The following CHRM2 variants were observed in gnomAD, a reference collection of about 807,000 sequenced individuals.
CHRM2 encodes cholinergic receptor muscarinic 2.
Under a neutral mutation model 25.0 loss-of-function variants are expected in CHRM2, and 8 were observed. The observed-to-expected ratio is 0.32, with a 90% CI of 0.19 to 0.58. The LOEUF (loss-of-function observed/expected upper bound fraction) is 0.58, where lower values mean the gene tolerates loss of function less well. CHRM2 is among the 20% of genes least tolerant of loss of function. CHRM2 has a pLI of 0.88. For synonymous variants in CHRM2, 202 were observed against 205.7 expected (o/e 0.98, Z 0.15); for missense variants, 440 against 567.1 (o/e 0.78, Z 2.28).
At chr7:136,974,230 T>C (rs1171317593) in intron 2 of CHRM2, among the ~76,000 whole-genome samples, 1 of 152,174 alleles carries the variant, frequency 6.6e-6, no homozygotes, top group Non-Finnish European at 1.5e-5. Flanking sequence ...TGTTTCCAGG[T>C]TGGTACAGTT....
At chr7:136,895,317 C>A (rs1259316467) in intron 2 of CHRM2, among the ~76,000 whole-genome samples, 1 of 151,918 alleles carries the variant, frequency 6.6e-6, no homozygotes. Context: ...TTTGTAGAAC[C>A]CTCTTAAAAT....
At chr7:136,942,798 A>C (rs1318345764) in intron 2 of CHRM2, among the ~76,000 whole-genome samples, 3 of 151,822 alleles carry the variant, frequency 2.0e-5, no homozygotes, top group African/African-American at 7.3e-5. Flanking sequence ...CTAGACACTC[A>C]CTGGGGTGGC....
intron 2 of CHRM2, among the ~76,000 whole-genome samples, chr7:136,915,470 A>G (rs1798055554): frequency 6.6e-6 from 1 of 151,922 alleles, no homozygotes; most frequent in Admixed American, 6.6e-5. Context: ...AGTGATCAGT[A>G]ATGTGGGTAT....
At chr7:136,969,633 T>G (rs983699296) in intron 2 of CHRM2, among the ~76,000 whole-genome samples, 1 of 152,158 alleles carries the variant, frequency 6.6e-6, no homozygotes, top group Non-Finnish European at 1.5e-5. Context: ...ATTATCACAC[T>G]CCCTTATTCT....
chr7:136,884,972 C>A (rs921475528), intron 2 of CHRM2, among the ~76,000 whole-genome samples: 1 of 152,176 alleles, frequency 6.6e-6, no homozygotes, highest in Admixed American at 6.5e-5. Context: ...GGTTTTGTGT[C>A]TTTCCTGGTG....
intron 2 of CHRM2, among the ~76,000 whole-genome samples, chr7:136,879,176 A>C (rs529753265): frequency 6.6e-6 from 1 of 152,064 alleles, no homozygotes; most frequent in East Asian, 1.9e-4. Context: ...TCAGGTATGA[A>C]ATTTCCAAGG....
In CHRM2 at chr7:136,869,962, G is replaced by A. The variant is rs553418207; in HGVS notation, c.-125+544G>A. 7 of 152,460 alleles carry A rather than the reference G, an allele frequency of 4.6e-5. No homozygotes were observed. Among genetic ancestry groups the A allele is most frequent in the African/African-American group, 1.4e-4 (6 of 41,478 alleles). 9.4% of individuals were successfully genotyped at this position (152,460 alleles called of 1,614,324 possible). ...GCTCCGCTTTCGGAGCAGCCCTTGGGCGCTGGAGAGGTTTCCCATTGCGGT... is the reference window on the plus strand; with the variant it reads ...GCTCCGCTTTCGGAGCAGCCCTTGGACGCTGGAGAGGTTTCCCATTGCGGT... On this transcript the variant is annotated intron_variant, in intron 2 of 3. Transcript: ENST00000680005. This position sits in a 1 kb window ranked among gnomAD's most constrained non-coding sequence, Gnocchi z 4.9.
chr7:136,873,768 C>T (rs1795936284), intron 2 of CHRM2, among the ~76,000 whole-genome samples: 1 of 152,054 alleles, frequency 6.6e-6, no homozygotes, highest in Admixed American at 6.6e-5. Context: ...ATGATGTTCT[C>T]CCCATCTGTT....
At chr7:136,871,731 G>C (rs955593345) in intron 2 of CHRM2, 1 of 152,204 alleles carries the variant, frequency 6.6e-6, no homozygotes, top group Non-Finnish European at 1.5e-5. Flanking sequence ...AAGAACAATT[G>C]ACTTGGCCAA....
intron 2 of CHRM2, among the ~76,000 whole-genome samples, chr7:136,962,921 C>G (rs2130900586): frequency 6.6e-6 from 1 of 152,274 alleles, no homozygotes; most frequent in African/African-American, 2.4e-5. Context: ...ATGGTGGATA[C>G]AGTCTTGCTT....
At position 136,916,645 on chromosome 7, in the gene CHRM2, G is replaced by A. The variant is rs372594716; in HGVS notation, c.-125+47227G>A. 2.8e-4 allele frequency among the ~76,000 whole-genome samples: 42 copies of A among 149,744 alleles called. No homozygotes were observed. In the East Asian group the frequency reaches 3.7e-3, roughly 13 times the overall value. Reference sequence around the variant, plus strand: ...TTTATCCTTGAATTTGTTTATTAACGTTTCCTCATTTTTAATATTACATAT... The same window carrying A: ...TTTATCCTTGAATTTGTTTATTAACATTTCCTCATTTTTAATATTACATAT... On this transcript the variant is annotated intron_variant, in intron 2 of 3. Transcript: ENST00000680005.
At chr7:136,908,298 A>C (rs1432254253) in intron 2 of CHRM2, among the ~76,000 whole-genome samples, 1 of 151,928 alleles carries the variant, frequency 6.6e-6, no homozygotes, top group African/African-American at 2.4e-5. Context: ...TAAACATCTA[A>C]GAAATGAATA....
chr7:136,882,345 G>A (rs1796298167), intron 2 of CHRM2, among the ~76,000 whole-genome samples: 1 of 151,658 alleles, frequency 6.6e-6, no homozygotes, highest in African/African-American at 2.4e-5. Context: ...ATAAGGATGG[G>A]ACTTGTATTC....
At chr7:136,918,152 C>A (rs1047173263) in intron 2 of CHRM2, among the ~76,000 whole-genome samples, 5 of 152,066 alleles carry the variant, frequency 3.3e-5, no homozygotes, top group Non-Finnish European at 7.4e-5. Flanking sequence ...GATCATAAAG[C>A]ACTGAAACTC....
chr7:136,950,455 C>T (rs1430925006), intron 2 of CHRM2, among the ~76,000 whole-genome samples: 1 of 152,116 alleles, frequency 6.6e-6, no homozygotes, highest in Non-Finnish European at 1.5e-5. Flanking sequence ...TACCTGTCTT[C>T]AGTTCAGAGG....
chr7:137,001,591 C>T (rs1285302192), intron 3 of CHRM2, among the ~76,000 whole-genome samples: 2 of 152,118 alleles, frequency 1.3e-5, no homozygotes, highest in Non-Finnish European at 2.9e-5. Context: ...GGGGGATGCA[C>T]AGACCTTTCA....
At position 137,015,726 on chromosome 7, in the gene CHRM2, C is replaced by G; in HGVS notation, c.861C>G (p.Thr287=). 2 of 1,613,300 alleles carry G rather than the reference C, an allele frequency of 1.2e-6. No homozygotes were observed. The highest frequency in any genetic ancestry group is 1.7e-4 in the Middle Eastern group (1 of 6,058). ...GEEKESSNDS[T]SVSAVASNMR... ...AGAAGGAGAGCTCCAATGACTCCAC[C>G]TCAGTCAGTGCTGTTGCCTCTAATA... is the stretch of plus-strand genomic sequence containing the variant. Residue 287 remains threonine, a synonymous_variant, in exon 4 of 4, where the codon ACC becomes ACG. Coordinates refer to ENST00000680005, the MANE Select transcript of CHRM2 (RefSeq NM_001006630.2). The surrounding 1 kb of genome is among the most constrained non-coding windows in gnomAD (Gnocchi z 5.1).
At chr7:136,984,812 C>T (rs1802737249) in intron 2 of CHRM2, among the ~76,000 whole-genome samples, 1 of 151,840 alleles carries the variant, frequency 6.6e-6, no homozygotes, top group South Asian at 2.1e-4. Flanking sequence ...GAATCTGGTA[C>T]CTCAGTTGGA....
intron 2 of CHRM2, among the ~76,000 whole-genome samples, chr7:136,927,680 T>C (rs961980374): frequency 6.6e-6 from 1 of 152,172 alleles, no homozygotes; most frequent in Non-Finnish European, 1.5e-5. Flanking sequence ...AAAATAATGG[T>C]TTTATTCAAA....
Sources: gnomAD v4.1 joint callset for allele counts (sites outside exome capture counted in the v4.1 genomes callset) on GRCh38, gnomAD v4.1.1 for gene constraint, Gnocchi (gnomAD v3.1) non-coding constraint, MANE v1.5 for transcripts, NCBI Gene and HGNC (gene_info 2026-07-23, HGNC 2026-07-21) for gene names.